ACY3: variants seen among roughly 807,000 people sequenced by gnomAD.
ACY3 encodes N-acyl-aromatic-L-amino acid amidohydrolase (carboxylate-forming).
A neutral mutation model predicts 24.6 loss-of-function variants in ACY3; 20 were observed. The observed-to-expected ratio is 0.81, with a 90% CI of 0.57 to 1.18. The LOEUF (loss-of-function observed/expected upper bound fraction) is 1.18. Among genes scored for constraint, ACY3 ranks in the 50% most tolerant of loss-of-function variants. ACY3 has a pLI of 0.00. For missense variants in ACY3, 423 were observed against 426.8 expected (o/e 0.99, Z 0.08); for synonymous variants, 174 against 188.4 (o/e 0.92, Z 0.62).
At chr11:67,645,520 G>T in intron 4 of ACY3, 140 bp from the exon 5 acceptor site, 8 of 1,219,166 alleles carry the variant, frequency 6.6e-6, no homozygotes, top group Non-Finnish European at 9.0e-6. Flanking sequence ...GGTAGGGGAG[G>T]GGGTACCGGG....
At position 67,647,053 on chromosome 11, in the gene ACY3, G is replaced by A. The variant is rs1315528912; in HGVS notation, c.-10C>T. 1.3e-6 allele frequency: 2 copies of A among 1,513,214 alleles called. No homozygotes were observed. The highest frequency in any genetic ancestry group is 1.8e-6 in the Non-Finnish European group (2 of 1,128,602). 93.7% of individuals were successfully genotyped at this position (1,513,214 alleles called of 1,614,324 possible). ...CAGGCAGTGAGCACATGCTGGTGTG[G>A]GGTGCAGAACCTGGGGGTGGGCATA... On this transcript the variant is annotated 5_prime_UTR_variant, in exon 3 of 8. Transcript: ENST00000255082.
Position 67,647,047 on chromosome 11 carries a change from G to A in ACY3, c.-4C>T. ...GGGGCACAGGCAGTGAGCACATGCT[G>A]GTGTGGGGTGCAGAACCTGGGGGTG... On this transcript the variant is annotated 5_prime_UTR_variant, in exon 3 of 8. Transcript: ENST00000255082. The A allele has an allele frequency of 4.0e-6, 6 of 1,517,288 alleles. No individual in the cohort carries two copies. Among genetic ancestry groups the A allele is most frequent in the Admixed American group, 2.1e-5 (1 of 47,584 alleles). The allele number at this position is 1,517,288 out of a possible 1,614,324, so 94.0% of individuals were successfully genotyped here.
At chr11:67,648,823 T>A (rs1048137694) in intron 1 of ACY3, among the ~76,000 whole-genome samples, 16 of 152,302 alleles carry the variant, frequency 1.1e-4, no homozygotes, top group Non-Finnish European at 2.4e-4. Context: ...AGGGGATTTG[T>A]CATCCTGGCT....
Position 67,645,786 on chromosome 11 carries a change from A to G in ACY3, c.338T>C (p.Leu113Pro), listed in dbSNP as rs749967174. Residue 113 changes from leucine (L) to proline (P), a missense_variant, in exon 4 of 8, where the codon CTT becomes CCT. Coordinates refer to ENST00000255082, the MANE Select transcript of ACY3 (RefSeq NM_080658.2). ...KASGQAFDFV[L>P]DLHNTTANMG... ...GTTGGCCGTGGTGTTGTGCAGGTCAAGGACAAAGTCAAAGGCCTGGCCCGA... is the reference window on the plus strand; with the variant it reads ...GTTGGCCGTGGTGTTGTGCAGGTCAGGGACAAAGTCAAAGGCCTGGCCCGA... 2 of 1,613,940 alleles carry G rather than the reference A, an allele frequency of 1.2e-6. No individual in the cohort carries two copies. The highest frequency in any genetic ancestry group is 4.5e-5 in the East Asian group (2 of 44,896).
rs373958978 is a variant in ACY3, at chr11:67,644,802, G to C, written c.702C>G (p.Thr234=). Residue 234 remains threonine, a synonymous_variant, in exon 7 of 8, where the codon ACC becomes ACG. Coordinates refer to ENST00000255082, the MANE Select transcript of ACY3 (RefSeq NM_080658.2). ...CAGTGCCTGCCAGGTGCCCGGCCTC[G>C]GTGCGGGGGAAGTCCACGACGCCCA... ...RPVGVVDFPR[T]EAGHLAGTVH... 1.3e-6 allele frequency: 2 copies of C among 1,567,996 alleles called. No individual in the cohort carries two copies. Among genetic ancestry groups the C allele is most frequent in the Non-Finnish European group, 1.7e-6 (2 of 1,156,804 alleles).
chr11:67,642,623 T>A lies in ACY3; in HGVS notation c.*101A>T. 2.4e-6 allele frequency: 3 copies of A among 1,253,976 alleles called. No homozygotes were observed. The highest frequency in any genetic ancestry group is 3.5e-6 in the Non-Finnish European group (3 of 858,572). The allele number at this position is 1,253,976 out of a possible 1,614,324, so 77.7% of individuals were successfully genotyped here. The stretch of plus-strand genomic sequence containing the variant: ...GGTTGGGGAGGCCTGGCAAGGAACA[T>A]GGTGCATGGTAGGTGGCAGAAGGGA... On this transcript the variant is annotated 3_prime_UTR_variant, in exon 8 of 8. Coordinates refer to ENST00000255082, the MANE Select transcript of ACY3 (RefSeq NM_080658.2).
At chr11:67,650,235 C>T (rs189312753) in intron 1 of ACY3, among the ~76,000 whole-genome samples, 1 of 137,544 alleles carries the variant, frequency 7.3e-6, no homozygotes, top group African/African-American at 3.6e-5. Flanking sequence ...AGCTGTGGTT[C>T]CCCCCTGTGT....
rs1855484148 is a variant in ACY3 at position 67,645,037 on chromosome 11, G to A, written c.634+8C>T. The A allele has an allele frequency of 6.2e-7, 1 of 1,613,358 alleles. No homozygotes were observed. Among genetic ancestry groups the A allele is most frequent in the Non-Finnish European group, 8.5e-7 (1 of 1,179,578 alleles). On this transcript the variant is annotated splice_region_variant and intron_variant, in intron 6 of 7. Transcript: ENST00000255082. ...GACCTGTTTCCCGAAAGTCCCCTGG[G>A]GTCTCACCCTGGTTGAAGAGTTCGA...
At chr11:67,645,180 C>T in intron 5 of ACY3, 28 bp from the exon 6 acceptor site, 1 of 1,607,140 alleles carries the variant, frequency 6.2e-7, no homozygotes, top group South Asian at 1.1e-5. Context: ...AGGGGTTAGG[C>T]AGGTGCAGGA....
At position 67,645,873 on chromosome 11, in the gene ACY3, G is replaced by A. The variant is rs375146942; in HGVS notation, c.251C>T (p.Pro84Leu). 25 of 1,605,170 alleles carry A rather than the reference G, an allele frequency of 1.6e-5. No homozygotes were observed. The highest frequency in any genetic ancestry group is 3.3e-5 in the South Asian group (3 of 90,296). The change falls in exon 4 of 8, where the codon CCG (proline) becomes CTG (leucine). Residue 84 changes from proline to leucine, a missense_variant. Physicochemically the swap from Pro to Leu is moderately conservative, Grantham distance 98 (BLOSUM62 -3). Coordinates refer to ENST00000255082, the MANE Select transcript of ACY3 (RefSeq NM_080658.2). ...TCTTGTCACCTCATATGGGTCGTCC[G>A]GGGTGGGCCTGGAACTGTGGAGACG... ...TSSFLNSRPTPDDPYEVTRAR... is the reference protein window; with the variant it reads ...TSSFLNSRPTLDDPYEVTRAR...
chr11:67,642,753 G>T lies in ACY3; in HGVS notation c.931C>A (p.Leu311Met). 2 of 1,614,192 alleles carry T rather than the reference G, an allele frequency of 1.2e-6. No individual in the cohort carries two copies. The highest frequency in any genetic ancestry group is 4.5e-5 in the East Asian group (2 of 44,890). ...GAAGCTGGGCTCGGGGCAGGGGTCA[G>T]CGCGGGCATGGCAGGCACGGTGAAT... is the stretch of plus-strand genomic sequence containing the variant. ...FTFTVPAMPA[L>M]TPAPSPAS The change falls in exon 8 of 8, where the codon CTG becomes ATG. Residue 311 changes from leucine (L) to methionine (M), a missense_variant. Physicochemically the swap from Leu to Met is conservative, Grantham distance 15 (BLOSUM62 2). Coordinates refer to ENST00000255082, the MANE Select transcript of ACY3 (RefSeq NM_080658.2).
At chr11:67,649,914 A>G (rs1399343551) in intron 1 of ACY3, among the ~76,000 whole-genome samples, 2 of 145,424 alleles carry the variant, frequency 1.4e-5, no homozygotes, top group East Asian at 2.0e-4. Context: ...GTGTGCGTGC[A>G]TGTGCGTGAG....
In ACY3 at chr11:67,646,007, C is replaced by T. The variant is rs573215295; in HGVS notation, c.237-120G>A. 53 of 981,476 alleles carry T rather than the reference C, an allele frequency of 5.4e-5. 1 individual carries two copies. The South Asian group carries it at 9.2e-4, about 17-fold the overall frequency. The allele number at this position is 981,476 out of a possible 1,614,324, so 60.8% of individuals were successfully genotyped here. On this transcript the variant is annotated intron_variant, in intron 3 of 7. Transcript: ENST00000255082. ...TCTGAGCAGCTCGAGCGAGGGCTTT[C>T]CCTTCAGACGTTGTGGCTGTGTCCA...
intron 1 of ACY3, among the ~76,000 whole-genome samples, chr11:67,648,560 G>A (rs1339947283): frequency 2.0e-5 from 3 of 152,122 alleles, no homozygotes; most frequent in Admixed American, 2.0e-4. Flanking sequence ...CCAGGTGCTG[G>A]GACCCTGAGC....
At chr11:67,647,903 T>C (rs1300716666) in intron 1 of ACY3, among the ~76,000 whole-genome samples, 1 of 152,094 alleles carries the variant, frequency 6.6e-6, no homozygotes, top group Non-Finnish European at 1.5e-5. Context: ...TATTGAAAGT[T>C]ACTATAGAGG....
At chr11:67,648,765 C>G (rs148593962) in intron 1 of ACY3, among the ~76,000 whole-genome samples, 1 of 152,352 alleles carries the variant, frequency 6.6e-6, no homozygotes, top group African/African-American at 2.4e-5. Flanking sequence ...CTCTCCTGCC[C>G]TCCACACCCA....
At chr11:67,646,139 A>T (rs1420753368) in intron 3 of ACY3, among the ~76,000 whole-genome samples, 1 of 152,018 alleles carries the variant, frequency 6.6e-6, no homozygotes, top group Non-Finnish European at 1.5e-5. Flanking sequence ...TCATGCCCTC[A>T]TTCCAGCCAC....
chr11:67,642,680 A>G lies in ACY3; in HGVS notation c.*44T>C. Reference sequence around the variant, plus strand: ...TGCTCAGAGCTGTGCCTCAGGACCCATCGTTCAGATGGGAAGACTGAGGTT... The same window carrying G: ...TGCTCAGAGCTGTGCCTCAGGACCCGTCGTTCAGATGGGAAGACTGAGGTT... On this transcript the variant is annotated 3_prime_UTR_variant, in exon 8 of 8. Coordinates refer to ENST00000255082, the MANE Select transcript of ACY3 (RefSeq NM_080658.2). 6.3e-7 allele frequency: 1 copy of G among 1,596,808 alleles called. No individual in the cohort carries two copies.
intron 1 of ACY3, among the ~76,000 whole-genome samples, 163 bp from the exon 2 acceptor site, chr11:67,647,752 G>A (rs1217297206): frequency 1.3e-5 from 2 of 152,206 alleles, no homozygotes; most frequent in Admixed American, 6.5e-5. Context: ...ACGGCCCAAC[G>A]AGTCCAGGTC....
Sources: allele counts gnomAD v4.1 joint callset (sites outside exome capture counted in the v4.1 genomes callset), GRCh38; gene constraint gnomAD v4.1.1; transcripts MANE v1.5; gene names NCBI Gene and HGNC (gene_info 2026-07-23, HGNC 2026-07-21).